The following TMEM35B variants were observed in gnomAD, a reference collection of about 807,000 sequenced individuals.
TMEM35B encodes the protein ZMYM6 neighbor protein.
In TMEM35B, 6 loss-of-function variants were observed where a neutral mutation model predicts 8.7. That is an observed-to-expected ratio of 0.69 (90% CI 0.38 to 1.36). The LOEUF (loss-of-function observed/expected upper bound fraction) is 1.36. TMEM35B is among the 40% of genes most tolerant of loss of function. The probability of loss-of-function intolerance (pLI) is 0.02; values close to 1 mark genes in which losing one functional copy is unlikely to be tolerated. For synonymous variants in TMEM35B, 89 were observed against 87.0 expected (o/e 1.02, Z -0.13); for missense variants, 176 against 181.6 (o/e 0.97, Z 0.18).
At chr1:34,984,817 A>G (rs1385900237) in intron 1 of TMEM35B, among the ~76,000 whole-genome samples, 1 of 150,340 alleles carries the variant, frequency 6.7e-6, no homozygotes, top group East Asian at 2.0e-4. Flanking sequence ...CTACACCCCA[A>G]CCCCACGAAC....
At chr1:34,985,049 C>T in intron 1 of TMEM35B, 149 bp downstream of exon 1, 1 of 544,994 alleles carries the variant, frequency 1.8e-6, no homozygotes, top group Non-Finnish European at 3.0e-6. Context: ...GCAGGACCTG[C>T]GCCTCAGTCG....
chr1:34,984,065 C>G lies in TMEM35B; in HGVS notation c.109-118G>C, dbSNP rs891172382. 5.8e-6 allele frequency: 6 copies of G among 1,038,570 alleles called. No individual in the cohort carries two copies. The African/African-American group carries it at 6.6e-5, about 11-fold the overall frequency. 64.3% of individuals were successfully genotyped at this position (1,038,570 alleles called of 1,614,324 possible). ...CTTCCCAGAGAAAAGAACTACTACT[C>G]TAGGTCAGGTCCAGGGCTGAGGTCA... On this transcript the variant is annotated intron_variant, in intron 1 of 2. Transcript: ENST00000373337.
At chr1:34,981,704 T>C (rs1640508577) in exon 3 of TMEM35B, 1 of 247,982 alleles carries the variant, frequency 4.0e-6, no homozygotes, top group East Asian at 8.5e-5. Context: ...TTTTGGTTGA[T>C]TTAAATTTCT....
exon 2 of TMEM35B, chr1:34,983,824 T>C: frequency 6.5e-7 from 1 of 1,546,190 alleles, no homozygotes; most frequent in Non-Finnish European, 8.7e-7. Context: ...GGTGGGCCCA[T>C]GACCAGCAGC....
exon 3 of TMEM35B, chr1:34,981,601 TA>T (rs942073925): frequency 1.3e-4 from 20 of 154,850 alleles, no homozygotes; most frequent in South Asian, 4.0e-4. Context: ...TATTTTCATT[TA>T]AAAAAAATAT....
chr1:34,981,905 T>C lies in TMEM35B; in HGVS notation c.*39A>G. On this transcript the variant is annotated 3_prime_UTR_variant, in exon 3 of 3. Coordinates refer to ENST00000373337, the Ensembl canonical transcript of TMEM35B. ...TAGACTCTGTGTTCTACCATGTTCCTGCTGTGACAGCTGCATGGCATAAAG... is the reference window on the plus strand; with the variant it reads ...TAGACTCTGTGTTCTACCATGTTCCCGCTGTGACAGCTGCATGGCATAAAG... 6 of 1,479,860 alleles carry C rather than the reference T, an allele frequency of 4.1e-6. No homozygotes were observed. The South Asian group carries it at 5.5e-5, about 14-fold the overall frequency. The allele number at this position is 1,479,860 out of a possible 1,614,324, so 91.7% of individuals were successfully genotyped here.
intron 1 of TMEM35B, 57 bp downstream of exon 1, chr1:34,985,141 G>T: frequency 7.2e-7 from 1 of 1,380,932 alleles, no homozygotes. Context: ...AGGAGCGGCA[G>T]GGCGGAGCAC....
At chr1:34,984,054 GAAC>G in intron 1 of TMEM35B, 107 bp from the exon 2 acceptor site, 1 of 1,126,876 alleles carries the variant, frequency 8.9e-7, no homozygotes, top group Non-Finnish European at 1.2e-6. Flanking sequence ...CCAGAGAAAA[GAAC>G]TACTACTCTA....
At chr1:34,981,903 C>T in exon 3 of TMEM35B, 1 of 1,474,824 alleles carries the variant, frequency 6.8e-7, no homozygotes, top group Non-Finnish European at 9.0e-7. Flanking sequence ...CTACCATGTT[C>T]CTGCTGTGAC....
At chr1:34,982,739 T>C (rs1024104868) in intron 2 of TMEM35B, among the ~76,000 whole-genome samples, 3 of 152,132 alleles carry the variant, frequency 2.0e-5, no homozygotes, top group South Asian at 2.1e-4. Context: ...CCTCCCAAAG[T>C]GCTGGGATTA....
Position 34,981,877 on chromosome 1 carries a change from T to C in TMEM35B, c.*67A>G, listed in dbSNP as rs563015899. The C allele has an allele frequency of 4.7e-5, 67 of 1,416,678 alleles. 2 individuals carry two copies. The South Asian group carries it at 9.0e-4, about 19-fold the overall frequency. The allele number at this position is 1,416,678 out of a possible 1,614,324, so 87.8% of individuals were successfully genotyped here. On this transcript the variant is annotated 3_prime_UTR_variant, in exon 3 of 3. Transcript: ENST00000373337. ...CCTGGATATTATACTGGTAACAAGA[T>C]GATAGACTCTGTGTTCTACCATGTT...
At chr1:34,984,936 C>T (rs1246671840) in intron 1 of TMEM35B, among the ~76,000 whole-genome samples, 1 of 152,096 alleles carries the variant, frequency 6.6e-6, no homozygotes, top group Non-Finnish European at 1.5e-5. Context: ...GAGGGACCTC[C>T]TAAGGCTCTA....
exon 2 of TMEM35B, chr1:34,983,898 C>A: frequency 6.5e-7 from 1 of 1,541,156 alleles, no homozygotes; most frequent in Non-Finnish European, 8.8e-7. Context: ...TGGCTGGTAG[C>A]CAAATACCTT....
Position 34,984,683 on chromosome 1 carries a change from T to G in TMEM35B, c.108+515A>C, listed in dbSNP as rs560988275. 7.2e-5 allele frequency among the ~76,000 whole-genome samples: 11 copies of G among 152,228 alleles called. No homozygotes were observed. In the South Asian group the frequency reaches 1.2e-3, roughly 17 times the overall value. On this transcript the variant is annotated intron_variant, in intron 1 of 2. Transcript: ENST00000373337. ...TCCCTCTCAGGCTTCCGAGAGAGGC[T>G]TCCCTCTCTGGGTTCCGAGTTAGGA...
Position 34,982,022 on chromosome 1 carries a change from C to T in TMEM35B, c.387G>A (p.Gln129=), listed in dbSNP as rs529092914. Residue 129 remains glutamine (Q), a synonymous_variant, in exon 3 of 3, where the codon CAG becomes CAA. Coordinates refer to ENST00000373337, the Ensembl canonical transcript of TMEM35B. ...CCACCTTCTTAGTCTGGGCTAAGAG[C>T]TGGCCGACATTCAGCAGCAGCAGGA... 20 of 1,550,420 alleles carry T rather than the reference C, an allele frequency of 1.3e-5. No individual in the cohort carries two copies. In the East Asian group the frequency reaches 3.9e-4, roughly 30 times the overall value.
intron 1 of TMEM35B, among the ~76,000 whole-genome samples, 177 bp from the exon 2 acceptor site, chr1:34,984,124 A>G (rs1041623511): frequency 2.6e-5 from 4 of 152,194 alleles, no homozygotes; most frequent in African/African-American, 9.7e-5. Context: ...TGTGGCGCTG[A>G]GCTTTGGAAT....
chr1:34,983,160 G>A (rs1179776362), intron 2 of TMEM35B, among the ~76,000 whole-genome samples: 2 of 152,216 alleles, frequency 1.3e-5, no homozygotes, highest in Admixed American at 1.3e-4. Flanking sequence ...GATGTGTGGA[G>A]GAAGGAGCAG....
intron 2 of TMEM35B, among the ~76,000 whole-genome samples, chr1:34,983,075 C>T (rs1640523623): frequency 6.6e-6 from 1 of 152,138 alleles, no homozygotes; most frequent in South Asian, 2.1e-4. Flanking sequence ...CTCCAGCTTC[C>T]CTGCTCTCTA....
intron 1 of TMEM35B, 31 bp downstream of exon 1, chr1:34,985,167 C>G: frequency 6.6e-7 from 1 of 1,506,918 alleles, no homozygotes; most frequent in Non-Finnish European, 8.9e-7. Flanking sequence ...GCCGCGGGCC[C>G]GATCCCCTGC....
Sources: allele counts gnomAD v4.1 joint callset (sites outside exome capture counted in the v4.1 genomes callset), GRCh38; gene constraint gnomAD v4.1.1; transcripts MANE v1.5; gene names NCBI Gene and HGNC (gene_info 2026-07-23, HGNC 2026-07-21).